FGGY: variants seen among roughly 807,000 people sequenced by gnomAD.
The protein encoded by FGGY is FGGY carbohydrate kinase domain-containing protein.
Under a neutral mutation model 71.3 loss-of-function variants are expected in FGGY, and 72 were observed. The observed-to-expected ratio is 1.01, with a 90% CI of 0.84 to 1.23. FGGY has a LOEUF of 1.23. Ranked by LOEUF, FGGY falls within the 50% of genes most tolerant of loss-of-function variation. The pLI, the probability that FGGY is intolerant of heterozygous loss-of-function variation, is 0.00. For synonymous variants in FGGY, 251 were observed against 250.3 expected, an observed-to-expected ratio of 1.00 and a Z score of -0.02; for missense variants, 668 against 682.3, an observed-to-expected ratio of 0.98 and a Z score of 0.23.
At chr1:59,415,318 T>C (rs771310396) in intron 5 of FGGY, among the ~76,000 whole-genome samples, 12 of 152,214 alleles carry the variant, frequency 7.9e-5, no homozygotes, top group Non-Finnish European at 1.6e-4. Flanking sequence ...AACTGTGTTG[T>C]GATTTCACAA....
At chr1:59,374,550 C>G (rs958515944) in intron 4 of FGGY, among the ~76,000 whole-genome samples, 2 of 152,106 alleles carry the variant, frequency 1.3e-5, no homozygotes, top group Admixed American at 6.5e-5. Context: ...CATCCCATTA[C>G]TGGGTATATA....
At chr1:59,393,261 G>C (rs1327020432) in intron 5 of FGGY, 1 of 152,236 alleles carries the variant, frequency 6.6e-6, no homozygotes, top group Non-Finnish European at 1.5e-5. Context: ...TGTCTGCTTA[G>C]GATTTTGCTC....
intron 8 of FGGY, among the ~76,000 whole-genome samples, chr1:59,562,417 C>T (rs2153720957): frequency 6.6e-6 from 1 of 152,316 alleles, no homozygotes; most frequent in East Asian, 1.9e-4. Flanking sequence ...GAAAAGTGGG[C>T]TCAGGCCAGC....
chr1:59,641,977 T>C (rs1419406831), intron 11 of FGGY, among the ~76,000 whole-genome samples: 1 of 151,956 alleles, frequency 6.6e-6, no homozygotes, highest in Non-Finnish European at 1.5e-5. Flanking sequence ...AGCCAGTGAG[T>C]TTAAATTCCT....
chr1:59,698,680 AACAGG>A (rs2097684821), intron 14 of FGGY: 1 of 891,320 alleles, frequency 1.1e-6, no homozygotes, highest in Admixed American at 6.2e-5. Context: ...TCTTTTGATA[AACAGG>A]ACAGCTGTCC....
intron 13 of FGGY, among the ~76,000 whole-genome samples, chr1:59,669,540 C>CTTTTTTTTTTTTTT (rs58004594): frequency 3.9e-4 from 40 of 102,498 alleles, no homozygotes; most frequent in African/African-American, 5.3e-4. Context: ...TTCTAGACTT[C>CTTTTTTTTTTTTTT]TTTTTTTTTT....
At chr1:59,466,556 G>C (rs2092641264) in intron 6 of FGGY, among the ~76,000 whole-genome samples, 1 of 152,192 alleles carries the variant, frequency 6.6e-6, no homozygotes, top group Non-Finnish European at 1.5e-5. Flanking sequence ...ACTACCATCA[G>C]AGTGAACAGG....
chr1:59,455,029 A>G (rs1242711433), intron 5 of FGGY, among the ~76,000 whole-genome samples: 1 of 152,250 alleles, frequency 6.6e-6, no homozygotes, highest in Non-Finnish European at 1.5e-5. Context: ...CATGTAATGG[A>G]CAAACGATTC....
chr1:59,346,346 G>A lies in FGGY; in HGVS notation c.413G>A (p.Gly138Glu), dbSNP rs779045174. The A allele has an allele frequency of 6.2e-6, 10 of 1,611,800 alleles. No homozygotes were observed. The highest frequency in any genetic ancestry group is 4.2e-6 in the Non-Finnish European group (5 of 1,179,680). Reference sequence around the variant, plus strand: ...AAGCACAGTGTCCTCCAGTACGTCGGGGGGGTGATGTCTGTGGAAATGCAG... The same window carrying A: ...AAGCACAGTGTCCTCCAGTACGTCGAGGGGGTGATGTCTGTGGAAATGCAG... ...ETKHSVLQYV[G>E]GVMSVEMQAP... Residue 138 changes from glycine to glutamate, a missense_variant, in exon 4 of 16, where the codon GGG (glycine) becomes GAG (glutamate). Physicochemically the swap from Gly to Glu is moderately conservative, Grantham distance 98. Transcript: ENST00000303721.
intron 7 of FGGY, among the ~76,000 whole-genome samples, chr1:59,544,567 C>A (rs866556628): frequency 6.6e-6 from 1 of 152,166 alleles, no homozygotes; most frequent in African/African-American, 2.4e-5. Flanking sequence ...TTCTCAGATA[C>A]CTTCAGCTTA....
intron 8 of FGGY, among the ~76,000 whole-genome samples, chr1:59,561,508 T>C (rs145679452): frequency 1.1e-3 from 175 of 152,276 alleles, no homozygotes; most frequent in African/African-American, 4.0e-3. Flanking sequence ...ATAGAAACAT[T>C]ATGCTGGACT....
intron 6 of FGGY, among the ~76,000 whole-genome samples, chr1:59,486,500 T>C (rs1012949421): frequency 7.9e-5 from 12 of 152,138 alleles, no homozygotes; most frequent in African/African-American, 2.9e-4. Context: ...TTGGTAAGAT[T>C]TGGGGAGGTG....
At chr1:59,636,296 T>C (rs2096958553) in intron 10 of FGGY, among the ~76,000 whole-genome samples, 1 of 152,142 alleles carries the variant, frequency 6.6e-6, no homozygotes, top group Admixed American at 6.5e-5. Flanking sequence ...TATTTTTACA[T>C]TGAATATTTA....
chr1:59,474,016 A>C (rs1288595882), intron 6 of FGGY: 1 of 152,180 alleles, frequency 6.6e-6, no homozygotes, highest in Non-Finnish European at 1.5e-5. Context: ...AAATGTTCTT[A>C]CCAACTGTAA....
intron 6 of FGGY, among the ~76,000 whole-genome samples, chr1:59,481,351 A>C (rs1170715915): frequency 6.6e-6 from 1 of 152,214 alleles, no homozygotes; most frequent in Non-Finnish European, 1.5e-5. Context: ...AATATTAAAT[A>C]ATTAGAACCA....
At chr1:59,588,605 A>G (rs2096361405) in intron 8 of FGGY, among the ~76,000 whole-genome samples, 1 of 152,208 alleles carries the variant, frequency 6.6e-6, no homozygotes, top group South Asian at 2.1e-4. Context: ...CAGAAACCCT[A>G]CAAGCCAGAA....
At chr1:59,707,919 G>A (rs115128058) in intron 14 of FGGY, among the ~76,000 whole-genome samples, 143 of 152,288 alleles carry the variant, frequency 9.4e-4, no homozygotes, top group Non-Finnish European at 1.6e-3. Flanking sequence ...TACAGAATAT[G>A]TTTGTATACC....
At chr1:59,360,153 T>TATTATTATTATTATTATA (rs1255570550) in intron 4 of FGGY, among the ~76,000 whole-genome samples, 1 of 151,412 alleles carries the variant, frequency 6.6e-6, no homozygotes, top group South Asian at 2.1e-4. Flanking sequence ...TTATTATTAT[T>TATTATTATTATTATTATA]ATTTCACCAC....
At chr1:59,413,726 C>T (rs888922291) in intron 5 of FGGY, among the ~76,000 whole-genome samples, 3 of 152,120 alleles carry the variant, frequency 2.0e-5, no homozygotes, top group Admixed American at 1.3e-4. Context: ...TTTGAGGGGC[C>T]GAGGTGTGCG....
Sources: allele counts gnomAD v4.1 joint callset (sites outside exome capture counted in the v4.1 genomes callset), GRCh38; gene constraint gnomAD v4.1.1; transcripts MANE v1.5; gene names NCBI Gene and HGNC (gene_info 2026-07-23, HGNC 2026-07-21).